PSMD11: variants seen among roughly 807,000 people sequenced by gnomAD.
PSMD11 encodes 26S proteasome non-ATPase regulatory subunit 11.
In PSMD11, 5 loss-of-function variants were observed where a neutral mutation model predicts 62.3. The observed-to-expected ratio is 0.08, with a 90% CI of 0.04 to 0.17. The LOEUF is 0.17. Ranked by LOEUF, PSMD11 falls within the 10% of genes least tolerant of loss-of-function variation. The pLI, the probability that PSMD11 is intolerant of heterozygous loss-of-function variation, is 1.00. For missense variants in PSMD11, 310 were observed against 512.9 expected, an observed-to-expected ratio of 0.60 and a Z score of 3.82; for synonymous variants, 191 against 191.8, an observed-to-expected ratio of 1.00 and a Z score of 0.03.
At chr17:32,447,983 C>A (rs774584915) in intron 2 of PSMD11, among the ~76,000 whole-genome samples, 4 of 151,128 alleles carry the variant, frequency 2.6e-5, no homozygotes, top group South Asian at 2.1e-4. Context: ...TGGGTTCAAG[C>A]GATTCTCCTT....
chr17:32,452,174 C>T (rs1176162952), intron 2 of PSMD11, among the ~76,000 whole-genome samples: 1 of 152,178 alleles, frequency 6.6e-6, no homozygotes, highest in Admixed American at 6.5e-5. Context: ...TCAGGACCTG[C>T]TACTAAGACC....
chr17:32,473,775 C>T, intron 6 of PSMD11, 26 bp from the exon 7 acceptor site: 5 of 1,610,666 alleles, frequency 3.1e-6, no homozygotes, highest in Middle Eastern at 1.7e-4. Flanking sequence ...TTTATATGTT[C>T]TTATTCCTTT....
rs1275670879 is a variant in PSMD11 at position 32,458,582 on chromosome 17, T to A, written c.318+3963T>A. 3.3e-5 allele frequency among the ~76,000 whole-genome samples: 5 copies of A among 152,252 alleles called. No homozygotes were observed. In the South Asian group the frequency reaches 6.2e-4, roughly 19 times the overall value. ...GTATGACAGTGGCTTTACACTTGCC[T>A]TGTCTCCTTTACTGTAATACAATCT... On this transcript the variant is annotated intron_variant, in intron 3 of 13. Coordinates refer to ENST00000261712, the MANE Select transcript of PSMD11 (RefSeq NM_002815.4).
chr17:32,445,010 T>G, intron 1 of PSMD11: 1 of 229,526 alleles, frequency 4.4e-6, no homozygotes, highest in Non-Finnish European at 8.5e-6. Context: ...TGAAAGGCCT[T>G]GGCGAAACCA....
At position 32,480,553 on chromosome 17, in the gene PSMD11, C is replaced by T. The variant is rs749253373; in HGVS notation, c.1191C>T (p.Tyr397=). ...IFDEPPVDKT[Y]EAALETIQNM... is the part of the protein sequence containing the mutation. Reference sequence around the variant, plus strand: ...ATGAACCCCCAGTAGATAAAACTTACGAAGCTGCTCTGGAAACAATTCAGA... The same window carrying T: ...ATGAACCCCCAGTAGATAAAACTTATGAAGCTGCTCTGGAAACAATTCAGA... Residue 397 remains tyrosine, a synonymous_variant, in exon 13 of 14, where the codon TAC becomes TAT. Coordinates refer to ENST00000261712, the MANE Select transcript of PSMD11 (RefSeq NM_002815.4). The T allele has an allele frequency of 1.1e-5, 17 of 1,613,912 alleles. No individual in the cohort carries two copies. The highest frequency in any genetic ancestry group is 3.3e-5 in the South Asian group (3 of 91,080).
At chr17:32,460,617 C>CA (rs1258412568) in intron 3 of PSMD11, among the ~76,000 whole-genome samples, 77 of 151,940 alleles carry the variant, frequency 5.1e-4, no homozygotes, top group African/African-American at 1.7e-3. Flanking sequence ...ACTAAAAATA[C>CA]AAAAAATTAG....
At chr17:32,452,796 A>C (rs1474922205) in intron 2 of PSMD11, among the ~76,000 whole-genome samples, 1 of 152,192 alleles carries the variant, frequency 6.6e-6, no homozygotes, top group Non-Finnish European at 1.5e-5. Flanking sequence ...GTCAGACCCT[A>C]CCTGGAGCAA....
intron 3 of PSMD11, among the ~76,000 whole-genome samples, chr17:32,459,701 T>C (rs1907766533): frequency 6.6e-6 from 1 of 152,226 alleles, no homozygotes; most frequent in African/African-American, 2.4e-5. Flanking sequence ...AGTCTTACTC[T>C]GTCTCCCAGG....
In PSMD11 at chr17:32,479,270, C is replaced by T; in HGVS notation, c.932C>T (p.Ala311Val). ...TGGCAGGCTCTGACAGATTACCGGG[C>T]AGAGCTCCGGGATGACCCAATCATC... ...DFEKALTDYR[A>V]ELRDDPIIST... Residue 311 changes from alanine to valine, a missense_variant, in exon 10 of 14, where the codon GCA becomes GTA. By Grantham distance (64) the Ala-to-Val change is moderately conservative. Transcript: ENST00000261712. The T allele has an allele frequency of 1.2e-6, 2 of 1,614,108 alleles. No homozygotes were observed. Among genetic ancestry groups the T allele is most frequent in the African/African-American group, 1.3e-5 (1 of 75,056 alleles).
intron 4 of PSMD11, among the ~76,000 whole-genome samples, 175 bp from the exon 5 acceptor site, chr17:32,464,346 T>C (rs1907928558): frequency 6.6e-6 from 1 of 152,192 alleles, no homozygotes; most frequent in Non-Finnish European, 1.5e-5. Context: ...AAGTTAACAG[T>C]CATTTGCTGG....
chr17:32,480,826 A>AT lies in PSMD11; in HGVS notation c.*76dup. The AT allele has an allele frequency of 1.8e-6, 1 of 558,738 alleles. No individual in the cohort carries two copies. The highest frequency in any genetic ancestry group is 3.1e-5 in the East Asian group (1 of 32,748). The allele number at this position is 558,738 out of a possible 1,614,324, so 34.6% of individuals were successfully genotyped here. ...AAACCTTGGGGGAAAATGCTAGGAG[A>AT]TTCTTTTTTCTTTTTGTTCTACTTT... is the stretch of plus-strand genomic sequence containing the variant. On this transcript the variant is annotated 3_prime_UTR_variant, in exon 14 of 14. Transcript: ENST00000261712.
At chr17:32,450,056 G>T (rs1907443279) in intron 2 of PSMD11, among the ~76,000 whole-genome samples, 2 of 152,168 alleles carry the variant, frequency 1.3e-5, no homozygotes, top group African/African-American at 4.8e-5. Context: ...GGAATCTGTT[G>T]AGTTCTGTGA....
At chr17:32,460,838 C>T (rs1907813671) in intron 3 of PSMD11, among the ~76,000 whole-genome samples, 1 of 151,320 alleles carries the variant, frequency 6.6e-6, no homozygotes, top group South Asian at 2.1e-4. Context: ...AGGTTATGAT[C>T]TGTTCATTTA....
chr17:32,448,368 A>AATT (rs891892753), intron 2 of PSMD11, among the ~76,000 whole-genome samples: 12 of 148,822 alleles, frequency 8.1e-5, no homozygotes, highest in African/African-American at 3.0e-4. Context: ...TTTTTTTTTT[A>AATT]ATTATTATTA....
chr17:32,455,195 G>A (rs903654400), intron 3 of PSMD11, among the ~76,000 whole-genome samples: 2 of 152,182 alleles, frequency 1.3e-5, no homozygotes, highest in Admixed American at 6.5e-5. Flanking sequence ...AGGAAGAGAC[G>A]CATACCAAAA....
In PSMD11 at chr17:32,473,676, A is replaced by C; in HGVS notation, c.644-125A>C. 3 of 895,034 alleles carry C rather than the reference A, an allele frequency of 3.4e-6. No individual in the cohort carries two copies. The East Asian group carries it at 7.9e-5, about 24-fold the overall frequency. 55.4% of individuals were successfully genotyped at this position (895,034 alleles called of 1,614,324 possible). ...ATGATCCTCCCATCTCAGCCTCCCA[A>C]AGTGTGGATTTACAGGTGTGAGCCA... On this transcript the variant is annotated intron_variant, in intron 6 of 13. Transcript: ENST00000261712.
chr17:32,452,882 A>C (rs1405713672), intron 2 of PSMD11, among the ~76,000 whole-genome samples: 1 of 152,248 alleles, frequency 6.6e-6, no homozygotes, highest in African/African-American at 2.4e-5. Context: ...GAGGAGAGCA[A>C]CTAAGTTACC....
intron 5 of PSMD11, 128 bp downstream of exon 5, chr17:32,464,706 T>C (rs1291852535): frequency 3.1e-6 from 2 of 643,302 alleles, no homozygotes; most frequent in Non-Finnish European, 4.8e-6. Context: ...TTAAAGTAGC[T>C]TACAGTTCTG....
chr17:32,464,658 T>A, intron 5 of PSMD11, 80 bp downstream of exon 5: 1 of 1,087,144 alleles, frequency 9.2e-7, no homozygotes, highest in Non-Finnish European at 1.3e-6. Flanking sequence ...ACTAATTACC[T>A]GTTAATAATT....
Sources: allele counts gnomAD v4.1 joint callset (sites outside exome capture counted in the v4.1 genomes callset), GRCh38; gene constraint gnomAD v4.1.1; transcripts MANE v1.5; gene names NCBI Gene and HGNC (gene_info 2026-07-23, HGNC 2026-07-21).